Variants in VDAC1 observed in about 807,000 individuals in gnomAD.
VDAC1 encodes the protein voltage dependent anion channel 1.
In VDAC1, 10 loss-of-function variants were observed where a neutral mutation model predicts 34.7. The ratio of observed to expected loss-of-function variants is 0.29; its 90% CI spans 0.18 to 0.49. The LOEUF is 0.49. VDAC1 is among the 20% of genes least tolerant of loss of function. VDAC1 has a pLI of 0.99. For missense variants in VDAC1, 230 were observed against 347.9 expected, an observed-to-expected ratio of 0.66 and a Z score of 2.69; for synonymous variants, 130 against 136.0, an observed-to-expected ratio of 0.96 and a Z score of 0.30.
chr5:134,041,144 T>C, the VDAC1 span, among the ~76,000 whole-genome samples: 1 of 152,210 alleles, frequency 6.6e-6, no homozygotes, highest in Non-Finnish European at 1.5e-5. Flanking sequence ...CATTACCAGC[T>C]CCTTCTCTTG....
the VDAC1 span, among the ~76,000 whole-genome samples, chr5:134,047,413 G>A: frequency 8.5e-5 from 13 of 152,090 alleles, no homozygotes; most frequent in Non-Finnish European, 1.6e-4. Flanking sequence ...GTTCCCGAAG[G>A]ACTGGAAAGG....
At chr5:133,978,673 C>T (rs948925903) in intron 6 of VDAC1, among the ~76,000 whole-genome samples, 1 of 152,166 alleles carries the variant, frequency 6.6e-6, no homozygotes, top group African/African-American at 2.4e-5. Context: ...TCAGAATATC[C>T]TAAAACCAGG....
In VDAC1 at chr5:133,980,762, T is replaced by C; in HGVS notation, c.518A>G (p.Tyr173Cys). ...RVTQSNFAVG[Y>C]KTDEFQLHTN... The stretch of plus-strand genomic sequence containing the variant: ...GTGAAGCTGGAATTCATCAGTCTTG[T>C]AGCCAACTGCAAAGTTGCTCTGGGT... The change falls in exon 6 of 9, where the codon TAC becomes TGC. Residue 173 changes from tyrosine to cysteine, a missense_variant. By Grantham distance (194) the Tyr-to-Cys change is radical. Coordinates refer to ENST00000265333, the MANE Select transcript of VDAC1 (RefSeq NM_003374.3). The C allele has an allele frequency of 6.2e-7, 1 of 1,606,522 alleles. No homozygotes were observed. The highest frequency in any genetic ancestry group is 8.5e-7 in the Non-Finnish European group (1 of 1,177,078).
chr5:134,025,803 C>T, the VDAC1 span, among the ~76,000 whole-genome samples: 1 of 151,716 alleles, frequency 6.6e-6, no homozygotes, highest in Admixed American at 6.6e-5. Context: ...ACTATTTTAC[C>T]TAGGCTGGTC....
chr5:134,074,261 A>C, the VDAC1 span, among the ~76,000 whole-genome samples: 1 of 152,014 alleles, frequency 6.6e-6, no homozygotes, highest in Admixed American at 6.6e-5. Flanking sequence ...GCAGTGAGCC[A>C]AGATCCTGCC....
chr5:134,022,389 A>G, the VDAC1 span, among the ~76,000 whole-genome samples: 135 of 152,354 alleles, frequency 8.9e-4, no homozygotes, highest in African/African-American at 3.0e-3. Context: ...AGAGGTTGAT[A>G]TTAAGATGCT....
the VDAC1 span, among the ~76,000 whole-genome samples, chr5:134,021,574 A>C: frequency 2.1e-4 from 32 of 151,474 alleles, no homozygotes; most frequent in African/African-American, 7.6e-4. Flanking sequence ...AAAAAAAAGA[A>C]AAAAGAAGCC....
chr5:134,092,071 TG>T, the VDAC1 span, among the ~76,000 whole-genome samples: 1 of 152,208 alleles, frequency 6.6e-6, no homozygotes, highest in Non-Finnish European at 1.5e-5. Context: ...TAAGTCCTGG[TG>T]TTTGTTATCA....
chr5:134,013,695 C>A, the VDAC1 span, among the ~76,000 whole-genome samples: 1 of 152,088 alleles, frequency 6.6e-6, no homozygotes, highest in Admixed American at 6.5e-5. Flanking sequence ...GTAATCCCAG[C>A]ACTTTAGGAG....
At chr5:134,041,232 C>T in the VDAC1 span, among the ~76,000 whole-genome samples, 1 of 152,242 alleles carries the variant, frequency 6.6e-6, no homozygotes, top group Admixed American at 6.5e-5. Context: ...AATGACAGAG[C>T]TCACCTTGCT....
intron 5 of VDAC1, among the ~76,000 whole-genome samples, chr5:133,981,581 T>C (rs558406412): frequency 1.3e-5 from 2 of 152,164 alleles, no homozygotes; most frequent in Non-Finnish European, 2.9e-5. Flanking sequence ...AAGTGTTAGT[T>C]AGCCAGACAG....
chr5:133,982,855 A>G (rs1007438486), intron 5 of VDAC1, among the ~76,000 whole-genome samples: 23 of 150,678 alleles, frequency 1.5e-4, no homozygotes, highest in Non-Finnish European at 2.7e-4. Flanking sequence ...GCGCCACTGC[A>G]CTCCAGCCTG....
chr5:133,999,268 G>C (rs1753447679), intron 1 of VDAC1, among the ~76,000 whole-genome samples: 1 of 152,236 alleles, frequency 6.6e-6, no homozygotes, highest in Admixed American at 6.5e-5. Context: ...GTGGCCATGG[G>C]TCTCCAAGAC....
chr5:134,003,989 G>A (rs1753659555), intron 1 of VDAC1, among the ~76,000 whole-genome samples: 1 of 152,256 alleles, frequency 6.6e-6, no homozygotes, highest in South Asian at 2.1e-4. Context: ...TCCCCGTGGG[G>A]CCTCCTTTTC....
chr5:134,076,292 A>G, the VDAC1 span, among the ~76,000 whole-genome samples: 1 of 152,180 alleles, frequency 6.6e-6, no homozygotes, highest in African/African-American at 2.4e-5. Flanking sequence ...TCTCACCTTG[A>G]TAACTCCTAT....
At chr5:134,044,516 G>A in the VDAC1 span, among the ~76,000 whole-genome samples, 1 of 152,184 alleles carries the variant, frequency 6.6e-6, no homozygotes, top group African/African-American at 2.4e-5. Flanking sequence ...TTCCCTCAGT[G>A]GACAGAAGTG....
the VDAC1 span, among the ~76,000 whole-genome samples, chr5:134,065,068 T>C: frequency 6.6e-6 from 1 of 152,122 alleles, no homozygotes; most frequent in Non-Finnish European, 1.5e-5. Flanking sequence ...CAGGCTATCC[T>C]GTTACTCTTT....
At chr5:133,984,019 A>G (rs1752807139) in intron 5 of VDAC1, among the ~76,000 whole-genome samples, 1 of 152,054 alleles carries the variant, frequency 6.6e-6, no homozygotes, top group Admixed American at 6.6e-5. Context: ...CCATGAGCCA[A>G]TTGAACCTCT....
the VDAC1 span, among the ~76,000 whole-genome samples, chr5:134,086,119 C>T: frequency 6.6e-6 from 1 of 152,106 alleles, no homozygotes; most frequent in East Asian, 1.9e-4. Context: ...TCACTTGAAC[C>T]CGGGAGGCAG....
Sources: gnomAD v4.1 joint callset for allele counts (sites outside exome capture counted in the v4.1 genomes callset) on GRCh38, gnomAD v4.1.1 for gene constraint, MANE v1.5 for transcripts, NCBI Gene and HGNC (gene_info 2026-07-23, HGNC 2026-07-21) for gene names.